The following NLGN1 variants were observed in gnomAD, a reference collection of about 807,000 sequenced individuals.
NLGN1 encodes the protein neuroligin 1.
In NLGN1, 12 loss-of-function variants were observed where a neutral mutation model predicts 65.5. The observed-to-expected ratio is 0.18, with a 90% CI of 0.12 to 0.30. The LOEUF is 0.30. NLGN1 is among the 10% of genes least tolerant of loss of function. NLGN1 has a pLI of 1.00. For synonymous variants in NLGN1, 350 were observed against 359.5 expected, an observed-to-expected ratio of 0.97 and a Z score of 0.30; for missense variants, 750 against 1,007.1, an observed-to-expected ratio of 0.74 and a Z score of 3.46.
chr3:173,813,723 C>A (rs950154297), intron 4 of NLGN1, among the ~76,000 whole-genome samples: 2 of 152,108 alleles, frequency 1.3e-5, no homozygotes, highest in Admixed American at 1.3e-4. Context: ...AGATGCATTT[C>A]CTAGTTTTCT....
Position 173,869,079 on chromosome 3 carries a change from T to G in NLGN1, c.646+61247T>G, listed in dbSNP as rs1268259016. ...ATTTTACTAAATGATATTCCATACT[T>G]TTAAGGAGCATAGTAATAGATCAGA... On this transcript the variant is annotated intron_variant, in intron 4 of 6. Coordinates refer to ENST00000457714, the Ensembl canonical transcript of NLGN1. 3.3e-5 allele frequency among the ~76,000 whole-genome samples: 5 copies of G among 152,316 alleles called. No individual in the cohort carries two copies. The South Asian group carries it at 8.3e-4, about 25-fold the overall frequency.
intron 4 of NLGN1, among the ~76,000 whole-genome samples, chr3:174,216,503 A>G (rs1450584784): frequency 2.0e-5 from 3 of 152,252 alleles, no homozygotes; most frequent in East Asian, 3.9e-4. Context: ...AGTTCTTCCC[A>G]TCTTTCAGTC....
intron 3 of NLGN1, among the ~76,000 whole-genome samples, chr3:173,707,960 T>C (rs1768308022): frequency 6.6e-6 from 1 of 152,236 alleles, no homozygotes; most frequent in East Asian, 1.9e-4. Context: ...CAAAAATTAA[T>C]GCCTTTTACT....
intron 4 of NLGN1, among the ~76,000 whole-genome samples, chr3:174,099,223 C>T (rs773524758): frequency 1.3e-5 from 2 of 152,164 alleles, no homozygotes; most frequent in South Asian, 2.1e-4. Context: ...AGATGATAAA[C>T]ACCTGGCTCG....
chr3:174,220,392 A>T (rs1006367057), intron 4 of NLGN1, among the ~76,000 whole-genome samples: 10 of 152,240 alleles, frequency 6.6e-5, no homozygotes, highest in Admixed American at 2.6e-4. Context: ...AGGCCTAGAG[A>T]TATATAATTA....
intron 2 of NLGN1, among the ~76,000 whole-genome samples, chr3:173,482,418 C>T (rs966619793): frequency 4.0e-5 from 6 of 151,848 alleles, no homozygotes; most frequent in African/African-American, 1.4e-4. Context: ...TTTTGGTACT[C>T]TCAAATTCCT....
At chr3:173,961,112 G>A (rs1381745095) in intron 4 of NLGN1, among the ~76,000 whole-genome samples, 1 of 151,944 alleles carries the variant, frequency 6.6e-6, no homozygotes, top group Non-Finnish European at 1.5e-5. Flanking sequence ...AATTTTTTGT[G>A]TTATTTTGCT....
intron 2 of NLGN1, among the ~76,000 whole-genome samples, chr3:173,559,001 T>C (rs781596952): frequency 3.3e-5 from 5 of 152,322 alleles, no homozygotes; most frequent in East Asian, 1.9e-4. Context: ...AGATCTGATA[T>C]GGCACTCATA....
chr3:174,243,381 G>A (rs572037922), intron 4 of NLGN1, among the ~76,000 whole-genome samples: 1 of 152,216 alleles, frequency 6.6e-6, no homozygotes, highest in South Asian at 2.1e-4. Flanking sequence ...GGCAATGACA[G>A]GTTTAAATAA....
chr3:173,532,513 A>G (rs1056014555), intron 2 of NLGN1, among the ~76,000 whole-genome samples: 13 of 152,170 alleles, frequency 8.5e-5, no homozygotes, highest in African/African-American at 3.1e-4. Flanking sequence ...TCCTATTTCT[A>G]AGCCACTTGT....
chr3:173,438,295 T>C (rs1022054453), intron 2 of NLGN1, among the ~76,000 whole-genome samples: 2 of 152,104 alleles, frequency 1.3e-5, no homozygotes, highest in African/African-American at 4.8e-5. Context: ...AAAGTTTCTA[T>C]ATCAGAAACC....
At chr3:173,602,598 A>T (rs1750724125) in intron 2 of NLGN1, among the ~76,000 whole-genome samples, 1 of 152,046 alleles carries the variant, frequency 6.6e-6, no homozygotes, top group African/African-American at 2.4e-5. Flanking sequence ...TTTGTTAATA[A>T]CAAAACAAGT....
intron 4 of NLGN1, among the ~76,000 whole-genome samples, chr3:174,147,848 C>T (rs1723631420): frequency 6.6e-6 from 1 of 152,048 alleles, no homozygotes; most frequent in Non-Finnish European, 1.5e-5. Flanking sequence ...TTTGGAAAGA[C>T]CTCCACTTCA....
intron 3 of NLGN1, among the ~76,000 whole-genome samples, chr3:173,674,984 T>A (rs1475888013): frequency 1.3e-5 from 2 of 152,108 alleles, no homozygotes; most frequent in Admixed American, 6.6e-5. Context: ...AACTAAATTT[T>A]TTTTTACTCA....
downstream of NLGN1, among the ~76,000 whole-genome samples, chr3:174,286,942 G>A (rs1286722636): frequency 2.0e-5 from 3 of 151,398 alleles, no homozygotes; most frequent in Non-Finnish European, 4.4e-5. Flanking sequence ...GAACAAAAAG[G>A]AAGAAAAACT....
intron 2 of NLGN1, among the ~76,000 whole-genome samples, chr3:173,451,302 A>T (rs145031172): frequency 0.028 from 4,234 of 152,272 alleles, 208 homozygotes; most frequent in African/African-American, 0.094. Flanking sequence ...GCTGCAGGTC[A>T]GTTGGAGTTT....
intron 2 of NLGN1, among the ~76,000 whole-genome samples, chr3:173,521,109 T>C (rs1259968822): frequency 6.6e-6 from 1 of 152,188 alleles, no homozygotes; most frequent in Non-Finnish European, 1.5e-5. Context: ...ATTCTGCTGG[T>C]ATAAGATGCA....
intron 2 of NLGN1, among the ~76,000 whole-genome samples, chr3:173,574,789 G>C (rs909589129): frequency 2.1e-4 from 32 of 152,214 alleles, no homozygotes; most frequent in African/African-American, 7.0e-4. Flanking sequence ...ATATGTCACA[G>C]TTTTGTTCAC....
At chr3:173,728,326 G>C (rs1419525994) in intron 3 of NLGN1, among the ~76,000 whole-genome samples, 3 of 151,990 alleles carry the variant, frequency 2.0e-5, no homozygotes, top group Admixed American at 2.0e-4. Context: ...GGCAAATTTT[G>C]GCATATGGAA....
Sources: allele counts gnomAD v4.1 joint callset (sites outside exome capture counted in the v4.1 genomes callset), GRCh38; gene constraint gnomAD v4.1.1; transcripts MANE v1.5; gene names NCBI Gene and HGNC (gene_info 2026-07-23, HGNC 2026-07-21).